RBMX2: variants seen among roughly 807,000 people sequenced by gnomAD.
RBMX2 encodes the protein RNA binding motif protein X-linked 2.
For missense variants in RBMX2, 191 were observed against 256.0 expected (o/e 0.75, Z 1.73); for synonymous variants, 77 against 94.3 (o/e 0.82, Z 1.07).
chrX:130,402,340 G>A lies in RBMX2; in HGVS notation c.91G>A (p.Glu31Lys). The A allele has an allele frequency of 8.4e-7, 1 of 1,195,388 alleles. No individual in the cohort carries two copies. The highest frequency in any genetic ancestry group is 3.0e-5 in the East Asian group (1 of 32,814). The change falls in exon 2 of 6, where the codon GAG becomes AAG. Residue 31 changes from glutamate (E) to lysine (K), a missense_variant. Physicochemically the swap from Glu to Lys is moderately conservative, Grantham distance 56. Coordinates refer to ENST00000305536, the MANE Select transcript of RBMX2 (RefSeq NM_016024.4). ...GVADKVSWHS[E>K]YKDSAWIFLG... ...GGCCGATAAGGTGTCCTGGCACTCC[G>A]AGTACAAGGACAGCGCCTGGATCTT...
At position 130,403,867 on chromosome X, in the gene RBMX2, C is replaced by G; in HGVS notation, c.173+14C>G. On this transcript the variant is annotated intron_variant, in intron 3 of 5. Transcript: ENST00000305536. ...TGTGTTCTCACAGTAAGTGTCCTTT[C>G]ATTTCCTGCCTCCTGAGTCGACAGA... is the stretch of plus-strand genomic sequence containing the variant. The G allele has an allele frequency of 8.3e-7, 1 of 1,200,860 alleles. No individual in the cohort carries two copies. The highest frequency in any genetic ancestry group is 1.8e-5 in the South Asian group (1 of 56,707).
At chrX:130,412,339 G>A (rs760510340) in intron 5 of RBMX2, 22 bp from the exon 6 acceptor site, 1 of 1,074,618 alleles carries the variant, frequency 9.3e-7, no homozygotes, top group Non-Finnish European at 1.2e-6. Context: ...CTTATTTACT[G>A]CTTCTTTCTT....
intron 1 of RBMX2, 53 bp downstream of exon 1, chrX:130,402,090 C>A: frequency 8.4e-7 from 1 of 1,186,463 alleles, no homozygotes; most frequent in Non-Finnish European, 1.1e-6. Context: ...TGGGGGTGGT[C>A]CACCGGGACT....
intron 3 of RBMX2, among the ~76,000 whole-genome samples, chrX:130,407,134 C>CT (rs59357525): frequency 0.2 from 20,056 of 99,397 alleles, 2,451 homozygotes; most frequent in African/African-American, 0.43. Flanking sequence ...TGCCTGTATT[C>CT]TTTTTTTTTT....
At chrX:130,412,307 T>A in intron 5 of RBMX2, 54 bp from the exon 6 acceptor site, 1 of 1,039,104 alleles carries the variant, frequency 9.6e-7, no homozygotes, top group Non-Finnish European at 1.3e-6. Context: ...TTTAAGGGAG[T>A]TCTTTTATTT....
intron 3 of RBMX2, among the ~76,000 whole-genome samples, chrX:130,408,800 T>G (rs2034498325): frequency 8.9e-6 from 1 of 112,526 alleles, no homozygotes; most frequent in Admixed American, 9.4e-5. Flanking sequence ...TTATGTATAT[T>G]AATTAATCTG....
intron 3 of RBMX2, among the ~76,000 whole-genome samples, chrX:130,408,561 G>A (rs2034496819): frequency 9.0e-6 from 1 of 110,536 alleles, no homozygotes; most frequent in South Asian, 3.8e-4. Flanking sequence ...GTTCTAGTTA[G>A]GTAACTTTTT....
At chrX:130,408,683 A>G (rs2034497274) in intron 3 of RBMX2, among the ~76,000 whole-genome samples, 1 of 111,757 alleles carries the variant, frequency 8.9e-6, no homozygotes, top group African/African-American at 3.3e-5. Flanking sequence ...TCCATAGTCA[A>G]TTTTAATACA....
chrX:130,404,537 G>A (rs1261018589), intron 3 of RBMX2: 1 of 112,635 alleles, frequency 8.9e-6, no homozygotes, highest in East Asian at 2.8e-4. Context: ...AGAGGACCTT[G>A]GCACAGGTGC....
intron 1 of RBMX2, 27 bp from the exon 2 acceptor site, chrX:130,402,228 C>CCG: frequency 1.9e-6 from 2 of 1,029,125 alleles, no homozygotes; most frequent in Non-Finnish European, 2.7e-6. Flanking sequence ...TCTGCCTACC[C>CCG]TCCCCACCCC....
Position 130,401,997 on chromosome X carries a change from C to G in RBMX2, c.-36C>G. The G allele has an allele frequency of 1.7e-6, 2 of 1,182,170 alleles. No individual in the cohort carries two copies. Among genetic ancestry groups the G allele is most frequent in the Middle Eastern group, 2.3e-4 (1 of 4,282 alleles). ...CATGCGCTGCGCTGCCTTTCCCGGG[C>G]GCTGATTCCTGAGTGCTGAGCGCGA... On this transcript the variant is annotated 5_prime_UTR_variant, in exon 1 of 6. Transcript: ENST00000305536.
intron 3 of RBMX2, among the ~76,000 whole-genome samples, chrX:130,408,157 CTTGT>C (rs113335102): frequency 2.8e-5 from 3 of 107,103 alleles, no homozygotes; most frequent in Admixed American, 1.0e-4. Flanking sequence ...ATTCTGCCTT[CTTGT>C]TTGTTTGTTT....
At chrX:130,402,225 A>AGCCAACCCCCCCCCCC in intron 1 of RBMX2, 30 bp from the exon 2 acceptor site, 1 of 984,797 alleles carries the variant, frequency 1.0e-6, no homozygotes, top group Non-Finnish European at 1.4e-6. Context: ...TTTTCTGCCT[A>AGCCAACCCCCCCCCCC]CCCTCCCCAC....
chrX:130,413,102 G>A lies in RBMX2; in HGVS notation c.*254G>A, dbSNP rs2034523557. 1 of 234,155 alleles carries A rather than the reference G, an allele frequency of 4.3e-6. No homozygotes were observed. The highest frequency in any genetic ancestry group is 6.5e-5 in the Admixed American group (1 of 15,274). The allele number at this position is 234,155 out of a possible 1,213,427, so 19.3% of individuals were successfully genotyped here. A position where few individuals can be genotyped will look rare whatever the true frequency, so the allele number is the denominator to read the frequency against. On this transcript the variant is annotated 3_prime_UTR_variant, in exon 6 of 6. Coordinates refer to ENST00000305536, the MANE Select transcript of RBMX2 (RefSeq NM_016024.4). Reference sequence around the variant, plus strand: ...CATAAATATGGCTCTTGAACCCATAGACCCCAGTTGAAGATGGAATTTTCA... The same window carrying A: ...CATAAATATGGCTCTTGAACCCATAAACCCCAGTTGAAGATGGAATTTTCA...
intron 3 of RBMX2, among the ~76,000 whole-genome samples, chrX:130,408,046 G>A (rs1409470437): frequency 1.8e-5 from 2 of 110,229 alleles, no homozygotes; most frequent in Non-Finnish European, 3.8e-5. Context: ...TTGTTCTGTT[G>A]CCCAGGCTGG....
intron 3 of RBMX2, 125 bp downstream of exon 3, chrX:130,403,978 G>A: frequency 1.5e-6 from 1 of 653,523 alleles, no homozygotes; most frequent in Non-Finnish European, 2.5e-6. Context: ...GCATGGGGAG[G>A]GCTGGAGCTT....
chrX:130,403,222 A>G (rs1266904339), intron 2 of RBMX2, among the ~76,000 whole-genome samples: 4 of 112,478 alleles, frequency 3.6e-5, no homozygotes, highest in South Asian at 3.7e-4. Flanking sequence ...TGCTTTGTCC[A>G]TAGGATTTTG....
At position 130,412,995 on chromosome X, in the gene RBMX2, C is replaced by A; in HGVS notation, c.*147C>A. ...CTATTTAGAGTCATTGGGAGGGCTG[C>A]AGTTTCAACAGCTAGATATCCTGGA... is the stretch of plus-strand genomic sequence containing the variant. On this transcript the variant is annotated 3_prime_UTR_variant, in exon 6 of 6. Coordinates refer to ENST00000305536, the MANE Select transcript of RBMX2 (RefSeq NM_016024.4). 1 of 532,183 alleles carries A rather than the reference C, an allele frequency of 1.9e-6. No individual in the cohort carries two copies. The highest frequency in any genetic ancestry group is 2.9e-6 in the Non-Finnish European group (1 of 339,259). 43.9% of individuals were successfully genotyped at this position (532,183 alleles called of 1,213,427 possible). A position where few individuals can be genotyped will look rare whatever the true frequency, so the allele number is the denominator to read the frequency against.
At chrX:130,408,907 C>A (rs908600768) in intron 3 of RBMX2, among the ~76,000 whole-genome samples, 1 of 112,124 alleles carries the variant, frequency 8.9e-6, no homozygotes, top group East Asian at 2.8e-4. Context: ...TTTTGCATTT[C>A]AAATAGCTTT....
Sources: gnomAD v4.1 joint callset for allele counts (sites outside exome capture counted in the v4.1 genomes callset) on GRCh38, gnomAD v4.1.1 for gene constraint, MANE v1.5 for transcripts, NCBI Gene and HGNC (gene_info 2026-07-23, HGNC 2026-07-21) for gene names.